The following ADGRV1 variants were observed in gnomAD, a reference collection of about 807,000 sequenced individuals.
ADGRV1 encodes adhesion G protein-coupled receptor V1.
In ADGRV1, 359 loss-of-function variants were observed where a neutral mutation model predicts 596.2. The observed-to-expected ratio is 0.60, with a 90% CI of 0.55 to 0.66. The LOEUF (loss-of-function observed/expected upper bound fraction) is 0.66, where lower values mean the gene tolerates loss of function less well. Ranked by LOEUF, ADGRV1 falls within the 30% of genes least tolerant of loss-of-function variation. The pLI is 0.00. For synonymous variants in ADGRV1, 2,681 were observed against 2,679.2 expected (o/e 1.00, Z -0.02); for missense variants, 7,274 against 7,575.6 (o/e 0.96, Z 1.48).
rs1581842516 is a variant in ADGRV1, at chr5:91,031,310, G to GCTGCTGCA, written c.18153-41134_18153-41127dup. ...TCATTGATTTCAAACATAGTAAAAT[G>GCTGCTGCA]CTGCTGCACTTGCTAACAGATACAA... On this transcript the variant is annotated intron_variant, in intron 85 of 89. Transcript: ENST00000405460. 25 of 1,433,316 alleles carry GCTGCTGCA rather than the reference G, an allele frequency of 1.7e-5. No homozygotes were observed. The East Asian group carries it at 5.5e-4, about 31-fold the overall frequency. The allele number at this position is 1,433,316 out of a possible 1,614,324, so 88.8% of individuals were successfully genotyped here. A position where few individuals can be genotyped will look rare whatever the true frequency, so the allele number is the denominator to read the frequency against.
At chr5:90,639,155 G>C (rs1766649596) in intron 11 of ADGRV1, among the ~76,000 whole-genome samples, 1 of 151,756 alleles carries the variant, frequency 6.6e-6, no homozygotes, top group African/African-American at 2.4e-5. Flanking sequence ...ATATGTTTCA[G>C]ACTCGATCTT....
At chr5:91,000,698 GTGTGT>G (rs1401734554) in intron 85 of ADGRV1, among the ~76,000 whole-genome samples, 2 of 151,614 alleles carry the variant, frequency 1.3e-5, no homozygotes, top group Non-Finnish European at 2.9e-5. Flanking sequence ...GTGTGTGTGT[GTGTGT>G]GTGTGTTTAT....
chr5:90,989,922 T>G (rs1780826582), intron 85 of ADGRV1, among the ~76,000 whole-genome samples: 1 of 152,198 alleles, frequency 6.6e-6, no homozygotes, highest in Non-Finnish European at 1.5e-5. Context: ...GTTCAAGTGA[T>G]TCTCCTGCCT....
chr5:91,058,599 A>G (rs539889512), intron 85 of ADGRV1, among the ~76,000 whole-genome samples: 4 of 152,084 alleles, frequency 2.6e-5, no homozygotes, highest in Admixed American at 6.5e-5. Context: ...TGCTGCTAAC[A>G]CCACTGGCCA....
intron 83 of ADGRV1, among the ~76,000 whole-genome samples, chr5:90,897,805 T>A (rs1202668057): frequency 6.6e-6 from 1 of 152,160 alleles, no homozygotes; most frequent in East Asian, 1.9e-4. Context: ...CTTTAGAGTA[T>A]GTGTGGGTGG....
chr5:91,092,381 G>A (rs571461810), intron 86 of ADGRV1, among the ~76,000 whole-genome samples: 2 of 152,296 alleles, frequency 1.3e-5, no homozygotes, highest in East Asian at 3.9e-4. Context: ...TCACAGGTGT[G>A]AGCCACCATG....
intron 1 of ADGRV1, among the ~76,000 whole-genome samples, chr5:90,599,086 A>G (rs1006494154): frequency 1.3e-5 from 2 of 152,182 alleles, no homozygotes; most frequent in African/African-American, 2.4e-5. Context: ...AAAAACCCCC[A>G]AAGAGTAGAG....
chr5:90,985,060 T>C (rs1780373333), intron 84 of ADGRV1, among the ~76,000 whole-genome samples: 1 of 152,172 alleles, frequency 6.6e-6, no homozygotes, highest in African/African-American at 2.4e-5. Flanking sequence ...TCATAGAAGA[T>C]TGTAACTGAG....
At chr5:91,147,018 C>T (rs1211547179) in intron 87 of ADGRV1, among the ~76,000 whole-genome samples, 1 of 151,792 alleles carries the variant, frequency 6.6e-6, no homozygotes, top group Non-Finnish European at 1.5e-5. Context: ...AAATAAAAAA[C>T]TAGCCAAACA....
chr5:90,855,784 G>A lies in ADGRV1; in HGVS notation c.17638G>A (p.Ala5880Thr), dbSNP rs1406872663. 1 of 1,599,714 alleles carries A rather than the reference G, an allele frequency of 6.3e-7. No individual in the cohort carries two copies. Among genetic ancestry groups the A allele is most frequent in the Non-Finnish European group, 8.5e-7 (1 of 1,173,238 alleles). Residue 5880 changes from alanine (A) to threonine (T), a missense_variant, in exon 82 of 90, where the codon GCA becomes ACA. This residue lies in a region of ADGRV1 where 1,874 missense variants were observed against 1,970.2 expected (regional missense o/e 0.95). Coordinates refer to ENST00000405460, the MANE Select transcript of ADGRV1 (RefSeq NM_032119.4). The stretch of plus-strand genomic sequence containing the variant: ...GTTTTGCAAAGTGGTTGAGGAAACT[G>A]CAGACTATGTGGAATGTGCCTGTTC... ...SQFCKVVEET[A>T]DYVECACSHM...
intron 1 of ADGRV1, among the ~76,000 whole-genome samples, chr5:90,605,235 T>G (rs950422892): frequency 1.3e-5 from 2 of 152,038 alleles, no homozygotes; most frequent in Non-Finnish European, 2.9e-5. Context: ...GCCAACATGG[T>G]GAAACCTCGT....
At chr5:90,798,926 T>C (rs1191359292) in intron 70 of ADGRV1, among the ~76,000 whole-genome samples, 1 of 152,164 alleles carries the variant, frequency 6.6e-6, no homozygotes, top group Non-Finnish European at 1.5e-5. Flanking sequence ...GGAATGTATC[T>C]CAAAATAATA....
At chr5:91,135,959 G>GAGC (rs1794594977) in intron 87 of ADGRV1, among the ~76,000 whole-genome samples, 1 of 152,170 alleles carries the variant, frequency 6.6e-6, no homozygotes, top group Non-Finnish European at 1.5e-5. Context: ...AGTCAGGGAA[G>GAGC]AGCAGCAGAG....
intron 83 of ADGRV1, among the ~76,000 whole-genome samples, chr5:90,875,284 C>G (rs1192664138): frequency 6.6e-6 from 1 of 152,078 alleles, no homozygotes; most frequent in Non-Finnish European, 1.5e-5. Context: ...TATTATAATT[C>G]TTGGTTTATA....
intron 2 of ADGRV1, 44 bp downstream of exon 2, chr5:90,615,063 C>A: frequency 1.6e-6 from 2 of 1,224,122 alleles, no homozygotes; most frequent in Non-Finnish European, 2.2e-6. Context: ...ATAGATATGA[C>A]GTTTCTTAGT....
intron 21 of ADGRV1, among the ~76,000 whole-genome samples, chr5:90,670,684 C>T (rs1283447766): frequency 1.3e-5 from 2 of 152,010 alleles, no homozygotes; most frequent in African/African-American, 2.4e-5. Flanking sequence ...CTCCCTCTTA[C>T]CAAGACTGAT....
intron 59 of ADGRV1, among the ~76,000 whole-genome samples, chr5:90,772,445 C>G (rs1243348320): frequency 6.6e-6 from 1 of 151,966 alleles, no homozygotes; most frequent in Non-Finnish European, 1.5e-5. Flanking sequence ...AAATTTGCCC[C>G]CAAGTATAGT....
At chr5:90,857,016 G>A (rs1190168184) in intron 82 of ADGRV1, among the ~76,000 whole-genome samples, 2 of 151,948 alleles carry the variant, frequency 1.3e-5, no homozygotes, top group African/African-American at 2.4e-5. Flanking sequence ...TGTTCTGGTT[G>A]CCAGTCTTTC....
rs368630153 is a variant in ADGRV1 at position 90,823,615 on chromosome 5, C to T, written c.16368+19C>T. The T allele has an allele frequency of 2.1e-5, 34 of 1,595,290 alleles. No homozygotes were observed. In the African/African-American group the frequency reaches 2.8e-4, roughly 13 times the overall value. ...AGAAAAGGTAAGAAATGAAGAGACA[C>T]ACTAGTGTCAACTTCTAATTATATT... On this transcript the variant is annotated intron_variant, in intron 76 of 89. Coordinates refer to ENST00000405460, the MANE Select transcript of ADGRV1 (RefSeq NM_032119.4).
Sources: gnomAD v4.1 joint callset for allele counts (sites outside exome capture counted in the v4.1 genomes callset) on GRCh38, gnomAD v4.1.1 for gene constraint, gnomAD v4.1.1 regional missense constraint, MANE v1.5 for transcripts, NCBI Gene and HGNC (gene_info 2026-07-23, HGNC 2026-07-21) for gene names.